RANBP2: variants seen among roughly 807,000 people sequenced by gnomAD.
RANBP2 encodes E3 SUMO-protein ligase RanBP2.
RANBP2 carries 57 observed loss-of-function variants against 303.6 expected under a neutral mutation model. The observed-to-expected ratio is 0.19, with a 90% CI of 0.15 to 0.23. RANBP2 has a LOEUF of 0.23. Among genes scored for constraint, RANBP2 ranks in the 10% least tolerant of loss-of-function variants. The pLI, the probability that RANBP2 is intolerant of heterozygous loss-of-function variation, is 1.00. For missense variants in RANBP2, 3,138 were observed against 3,780.8 expected, an observed-to-expected ratio of 0.83 and a Z score of 4.46; for synonymous variants, 1,167 against 1,301.5, an observed-to-expected ratio of 0.90 and a Z score of 2.23.
chr2:108,723,144 A>G (rs923250676), intron 1 of RANBP2, among the ~76,000 whole-genome samples: 9 of 152,250 alleles, frequency 5.9e-5, no homozygotes, highest in Admixed American at 2.0e-4. Context: ...CTGAGTACTT[A>G]GGACTACAGG....
chr2:109,724,375 C>T, the RANBP2 span, among the ~76,000 whole-genome samples: 1,428 of 152,256 alleles, frequency 9.4e-3, 107 homozygotes, highest in Admixed American at 0.081. Flanking sequence ...GCCATTTTCA[C>T]GATATTGATT....
At chr2:109,368,910 C>G in the RANBP2 span, among the ~76,000 whole-genome samples, 7 of 151,700 alleles carry the variant, frequency 4.6e-5, no homozygotes, top group African/African-American at 7.3e-5. Flanking sequence ...TTAGGCTGAT[C>G]TGAGCTGGGC....
chr2:108,759,446 T>C (rs552726890), intron 18 of RANBP2, among the ~76,000 whole-genome samples: 3 of 152,302 alleles, frequency 2.0e-5, no homozygotes, highest in Non-Finnish European at 2.9e-5. Context: ...AAATTGTTCC[T>C]TTTACGTACG....
At chr2:109,297,685 C>T in the RANBP2 span, among the ~76,000 whole-genome samples, 1 of 150,274 alleles carries the variant, frequency 6.7e-6, no homozygotes, top group Admixed American at 6.6e-5. Flanking sequence ...TTCCACTGGG[C>T]CAATGCCCCC....
chr2:109,615,260 C>A, the RANBP2 span: 3 of 1,563,588 alleles, frequency 1.9e-6, no homozygotes, highest in Non-Finnish European at 2.6e-6. Flanking sequence ...AGGAGAGCAG[C>A]GGCGGAGGCT....
At chr2:109,323,680 C>T in the RANBP2 span, among the ~76,000 whole-genome samples, 2 of 152,210 alleles carry the variant, frequency 1.3e-5, no homozygotes, top group Non-Finnish European at 2.9e-5. Flanking sequence ...TGAGCCTGTG[C>T]CTCGAGGAGA....
chr2:109,379,036 G>A, the RANBP2 span, among the ~76,000 whole-genome samples: 958 of 152,256 alleles, frequency 6.3e-3, 10 homozygotes, highest in East Asian at 0.047. Context: ...TCTCAATGCA[G>A]GGAGAGGCTA....
rs778749820 is a variant in RANBP2 at position 108,766,547 on chromosome 2, A to G, written c.6008A>G (p.Tyr2003Cys). ...SGDFEKDDDA[Y>C]KTEDSDDIHF... The stretch of plus-strand genomic sequence containing the variant: ...GACTTTGAGAAAGATGATGATGCCT[A>G]TAAGACTGAGGACAGCGATGACATC... The change falls in exon 20 of 29, where the codon TAT (tyrosine) becomes TGT (cysteine). Residue 2003 changes from tyrosine (Y) to cysteine (C), a missense_variant. Coordinates refer to ENST00000283195, the MANE Select transcript of RANBP2 (RefSeq NM_006267.5). The G allele has an allele frequency of 1.6e-5, 26 of 1,612,016 alleles. No homozygotes were observed. The highest frequency in any genetic ancestry group is 8.9e-5 in the East Asian group (4 of 44,886).
At chr2:108,948,240 C>CT in the RANBP2 span, among the ~76,000 whole-genome samples, 1 of 152,206 alleles carries the variant, frequency 6.6e-6, no homozygotes, top group African/African-American at 2.4e-5. Flanking sequence ...CCACCTAAGC[C>CT]TGGACTTCAT....
the RANBP2 span, among the ~76,000 whole-genome samples, chr2:109,563,164 G>C: frequency 6.6e-6 from 1 of 152,092 alleles, no homozygotes. Flanking sequence ...GCCCGCCTTG[G>C]CCTCCCAAAG....
At chr2:109,150,414 A>G in the RANBP2 span, among the ~76,000 whole-genome samples, 1 of 152,164 alleles carries the variant, frequency 6.6e-6, no homozygotes, top group Admixed American at 6.5e-5. Flanking sequence ...CATTTTATTT[A>G]TGAGCCTGGA....
At chr2:109,270,571 G>A in the RANBP2 span, among the ~76,000 whole-genome samples, 159 of 152,296 alleles carry the variant, frequency 1.0e-3, no homozygotes, top group African/African-American at 3.5e-3. Flanking sequence ...CAGTGTGGCC[G>A]TTTCAGGTCA....
the RANBP2 span, among the ~76,000 whole-genome samples, chr2:109,160,505 C>T: frequency 1.3e-5 from 2 of 152,196 alleles, no homozygotes; most frequent in Non-Finnish European, 2.9e-5. Flanking sequence ...GCAGGGAGAA[C>T]GTGTGAGGAC....
the RANBP2 span, chr2:109,545,005 C>T: frequency 3.0e-6 from 3 of 985,418 alleles, no homozygotes; most frequent in Non-Finnish European, 3.6e-6. Context: ...TGGTTTACTT[C>T]TCCATATTTA....
At chr2:108,880,335 T>TG in the RANBP2 span, among the ~76,000 whole-genome samples, 3 of 152,230 alleles carry the variant, frequency 2.0e-5, no homozygotes, top group African/African-American at 7.2e-5. Context: ...TTAAGATGTC[T>TG]GTTCTTCCCA....
the RANBP2 span, chr2:109,613,732 G>T: frequency 1.8e-6 from 2 of 1,082,786 alleles, no homozygotes; most frequent in South Asian, 4.6e-5. Flanking sequence ...CCGGTGGGTC[G>T]AGGGCGGGAA....
chr2:108,913,044 G>GT, the RANBP2 span, among the ~76,000 whole-genome samples: 130 of 151,626 alleles, frequency 8.6e-4, 1 homozygote, highest in Middle Eastern at 0.01. Flanking sequence ...TGCCTCCCTG[G>GT]TTGACGCCAT....
At chr2:109,265,246 C>T in the RANBP2 span, among the ~76,000 whole-genome samples, 42 of 152,140 alleles carry the variant, frequency 2.8e-4, no homozygotes, top group African/African-American at 9.9e-4. Context: ...AGGGCCAAGG[C>T]AGGACAAGGC....
At chr2:109,340,636 C>T in the RANBP2 span, among the ~76,000 whole-genome samples, 2 of 152,180 alleles carry the variant, frequency 1.3e-5, no homozygotes, top group Non-Finnish European at 2.9e-5. Context: ...CCTGGAACAT[C>T]TGTTTGCCTC....
Sources: gnomAD v4.1 joint callset for allele counts (sites outside exome capture counted in the v4.1 genomes callset) on GRCh38, gnomAD v4.1.1 for gene constraint, MANE v1.5 for transcripts, NCBI Gene and HGNC (gene_info 2026-07-23, HGNC 2026-07-21) for gene names.